PHF14: variants seen among roughly 807,000 people sequenced by gnomAD.
PHF14 encodes PHD finger protein 14.
A neutral mutation model predicts 117.9 loss-of-function variants in PHF14; 55 were observed. The observed-to-expected ratio is 0.47, with a 90% CI of 0.38 to 0.58. PHF14 has a LOEUF of 0.58. Ranked by LOEUF, PHF14 falls within the 20% of genes least tolerant of loss-of-function variation. The pLI, the probability that PHF14 is intolerant of heterozygous loss-of-function variation, is 0.00. For synonymous variants in PHF14, 409 were observed against 368.6 expected, an observed-to-expected ratio of 1.11 and a Z score of -1.26; for missense variants, 978 against 1,122.2, an observed-to-expected ratio of 0.87 and a Z score of 1.84.
intron 5 of PHF14, among the ~76,000 whole-genome samples, chr7:11,021,606 ACTC>A (rs1463173006): frequency 1.3e-5 from 2 of 151,918 alleles, no homozygotes; most frequent in East Asian, 1.9e-4. Flanking sequence ...TCAGAGATAA[ACTC>A]CTACAGAGTA....
At chr7:11,036,082 A>G (rs546711931) in intron 8 of PHF14, among the ~76,000 whole-genome samples, 2 of 152,190 alleles carry the variant, frequency 1.3e-5, no homozygotes, top group East Asian at 1.9e-4. Context: ...AGTTTGTTCA[A>G]AGGATTTAGT....
chr7:11,125,447 C>A (rs1356267667), intron 17 of PHF14, among the ~76,000 whole-genome samples: 1 of 152,062 alleles, frequency 6.6e-6, no homozygotes, highest in Admixed American at 6.6e-5. Context: ...AGAATACTTG[C>A]TTCTAAGTGT....
chr7:11,157,860 G>A (rs1583510686), intron 17 of PHF14, among the ~76,000 whole-genome samples: 1 of 152,202 alleles, frequency 6.6e-6, no homozygotes, highest in African/African-American at 2.4e-5. Context: ...GATTGCCTCT[G>A]CACATTATTT....
intron 2 of PHF14, among the ~76,000 whole-genome samples, chr7:10,980,938 A>G (rs1317558344): frequency 6.6e-6 from 1 of 152,198 alleles, no homozygotes; most frequent in Non-Finnish European, 1.5e-5. Context: ...TGTTTAGGAT[A>G]AGAGTGTTTT....
chr7:10,986,639 G>A (rs1782237316), intron 3 of PHF14, among the ~76,000 whole-genome samples: 1 of 152,168 alleles, frequency 6.6e-6, no homozygotes, highest in Admixed American at 6.5e-5. Context: ...ATTTAGTGCA[G>A]CCTGAAGAAT....
At chr7:10,980,851 A>C (rs1309415071) in intron 2 of PHF14, among the ~76,000 whole-genome samples, 1 of 152,174 alleles carries the variant, frequency 6.6e-6, no homozygotes. Context: ...ATGAATTCTG[A>C]AACACATCTG....
At chr7:10,994,274 C>G (rs1782556559) in intron 4 of PHF14, among the ~76,000 whole-genome samples, 1 of 151,778 alleles carries the variant, frequency 6.6e-6, no homozygotes, top group Admixed American at 6.6e-5. Flanking sequence ...CCCATCTCTA[C>G]TAAAAATACA....
At chr7:11,139,173 C>G (rs1313562673) in intron 17 of PHF14, among the ~76,000 whole-genome samples, 1 of 152,030 alleles carries the variant, frequency 6.6e-6, no homozygotes, top group Non-Finnish European at 1.5e-5. Context: ...AAATTTGCCA[C>G]TATCATAGAA....
intron 2 of PHF14, among the ~76,000 whole-genome samples, chr7:10,975,625 T>C (rs117920041): frequency 3.0e-4 from 46 of 152,342 alleles, no homozygotes; most frequent in Non-Finnish European, 5.0e-4. Flanking sequence ...ACAGTTTCAA[T>C]TGAAGGAATC....
intron 4 of PHF14, among the ~76,000 whole-genome samples, chr7:11,000,443 G>A (rs527527073): frequency 2.0e-5 from 3 of 147,062 alleles, no homozygotes; most frequent in African/African-American, 7.6e-5. Flanking sequence ...AGGTTCCTGC[G>A]ATTCTCGTGC....
chr7:10,976,849 C>A lies in PHF14; in HGVS notation c.112+1904C>A, dbSNP rs189417055. The stretch of plus-strand genomic sequence containing the variant: ...TTGTAATATAATATCTAGTATGCTG[C>A]ACTCATAATTTACCTTCCTGGCCCC... On this transcript the variant is annotated intron_variant, in intron 2 of 17. Coordinates refer to ENST00000634607, the MANE Select transcript of PHF14 (RefSeq NM_001007157.2). Among the ~76,000 whole-genome samples, 661 of 146,352 alleles carry A rather than the reference C, an allele frequency of 4.5e-3. 3 individuals carry two copies. Among genetic ancestry groups the A allele is most frequent in the Non-Finnish European group, 6.2e-3 (413 of 66,466 alleles).
At chr7:10,996,629 CATG>C (rs1156798258) in intron 4 of PHF14, among the ~76,000 whole-genome samples, 7 of 152,008 alleles carry the variant, frequency 4.6e-5, no homozygotes, top group Non-Finnish European at 5.9e-5. Flanking sequence ...GTTTATATCA[CATG>C]ATTCATTAAA....
intron 17 of PHF14, among the ~76,000 whole-genome samples, chr7:11,142,536 C>A (rs771403504): frequency 2.0e-5 from 3 of 152,002 alleles, no homozygotes; most frequent in Non-Finnish European, 2.9e-5. Flanking sequence ...AGCTTATAAC[C>A]AAGATAACAT....
intron 4 of PHF14, among the ~76,000 whole-genome samples, chr7:11,004,268 AAG>A (rs1782995359): frequency 6.7e-6 from 1 of 149,032 alleles, no homozygotes; most frequent in Non-Finnish European, 1.5e-5. Context: ...AAAAAAAAAA[AAG>A]AAAAGAAAAA....
chr7:10,995,552 G>A (rs1293161457), intron 4 of PHF14, among the ~76,000 whole-genome samples: 21 of 152,144 alleles, frequency 1.4e-4, no homozygotes, highest in Non-Finnish European at 2.4e-4. Flanking sequence ...CCGTGTGCCC[G>A]CATTCCTCAG....
intron 16 of PHF14, chr7:11,106,177 C>T: frequency 1.0e-6 from 1 of 981,338 alleles, no homozygotes; most frequent in Non-Finnish European, 1.2e-6. Context: ...CTGGCTGCCA[C>T]AGATATAGCT....
At chr7:10,995,647 G>A (rs1212461674) in intron 4 of PHF14, among the ~76,000 whole-genome samples, 1 of 152,214 alleles carries the variant, frequency 6.6e-6, no homozygotes, top group Non-Finnish European at 1.5e-5. Flanking sequence ...CCCATGGCGG[G>A]GTGGGTAAGG....
At chr7:10,991,044 G>A (rs1427814839) in intron 4 of PHF14, among the ~76,000 whole-genome samples, 197 bp downstream of exon 4, 2 of 152,074 alleles carry the variant, frequency 1.3e-5, no homozygotes, top group African/African-American at 4.8e-5. Context: ...AGGCTGGAGT[G>A]CAGTGGCACA....
intron 14 of PHF14, among the ~76,000 whole-genome samples, chr7:11,052,787 A>G (rs1475965598): frequency 6.6e-6 from 1 of 152,042 alleles, no homozygotes; most frequent in East Asian, 1.9e-4. Context: ...GCCTTTCACC[A>G]GTTTTTCTGT....
Sources: allele counts gnomAD v4.1 joint callset (sites outside exome capture counted in the v4.1 genomes callset), GRCh38; gene constraint gnomAD v4.1.1; transcripts MANE v1.5; gene names NCBI Gene and HGNC (gene_info 2026-07-23, HGNC 2026-07-21).